Variants in CDK14 observed in about 807,000 individuals in gnomAD.
The protein encoded by CDK14 is cyclin dependent kinase 14.
CDK14 carries 34 observed loss-of-function variants against 60.7 expected under a neutral mutation model. The observed-to-expected ratio is 0.56, with a 90% CI of 0.43 to 0.75. The LOEUF (loss-of-function observed/expected upper bound fraction) is 0.75, where lower values mean the gene tolerates loss of function less well. CDK14 is among the 30% of genes least tolerant of loss of function. The pLI is 0.00. For synonymous variants in CDK14, 197 were observed against 203.7 expected (o/e 0.97, Z 0.28); for missense variants, 482 against 564.1 (o/e 0.85, Z 1.47).
chr7:90,878,348 C>T (rs1015757337), intron 6 of CDK14, among the ~76,000 whole-genome samples: 1 of 152,066 alleles, frequency 6.6e-6, no homozygotes, highest in Non-Finnish European at 1.5e-5. Context: ...CTGGTGACTG[C>T]AAAACATGAA....
At chr7:90,782,969 C>T (rs973801250) in intron 4 of CDK14, among the ~76,000 whole-genome samples, 3 of 152,090 alleles carry the variant, frequency 2.0e-5, no homozygotes, top group Non-Finnish European at 2.9e-5. Context: ...TGGATGATTA[C>T]TGAGGTTACT....
chr7:90,961,020 C>A (rs1251802585), intron 9 of CDK14, among the ~76,000 whole-genome samples: 1 of 152,036 alleles, frequency 6.6e-6, no homozygotes, highest in East Asian at 1.9e-4. Context: ...CCCAGAGATA[C>A]TAAATAATAT....
chr7:90,837,134 C>T (rs1456746412), intron 5 of CDK14, among the ~76,000 whole-genome samples: 1 of 152,118 alleles, frequency 6.6e-6, no homozygotes, highest in East Asian at 1.9e-4. Context: ...GCCATTTTCC[C>T]TCAGGCCTTT....
intron 3 of CDK14, among the ~76,000 whole-genome samples, chr7:90,743,303 T>A (rs998150699): frequency 6.6e-6 from 1 of 152,172 alleles, no homozygotes; most frequent in African/African-American, 2.4e-5. Context: ...TAAAATCTAC[T>A]CATTTAGCAG....
intron 14 of CDK14, among the ~76,000 whole-genome samples, chr7:91,204,691 G>A (rs1257788001): frequency 6.6e-6 from 1 of 152,260 alleles, no homozygotes; most frequent in African/African-American, 2.4e-5. Flanking sequence ...GCTCATGCCT[G>A]TAATCCCAGC....
chr7:91,051,087 A>G (rs1456786501), intron 11 of CDK14, among the ~76,000 whole-genome samples: 1 of 152,250 alleles, frequency 6.6e-6, no homozygotes, highest in Non-Finnish European at 1.5e-5. Flanking sequence ...CTGGGAAAAT[A>G]TGTACAGTAA....
chr7:90,598,336 G>A (rs952123884), intron 1 of CDK14, among the ~76,000 whole-genome samples: 40 of 152,176 alleles, frequency 2.6e-4, no homozygotes, highest in Non-Finnish European at 5.9e-5. Context: ...CTGGCAAATG[G>A]GGGTATTATA....
At chr7:90,638,868 C>T (rs1279461412) in intron 2 of CDK14, among the ~76,000 whole-genome samples, 3 of 151,392 alleles carry the variant, frequency 2.0e-5, no homozygotes, top group Non-Finnish European at 4.4e-5. Flanking sequence ...CTTCTCGCTT[C>T]ATTTCATTCA....
intron 10 of CDK14, among the ~76,000 whole-genome samples, chr7:90,991,292 G>C (rs1795525713): frequency 6.6e-6 from 1 of 152,166 alleles, no homozygotes; most frequent in East Asian, 1.9e-4. Context: ...GAATCAAGGA[G>C]CCATTCACCC....
chr7:90,685,075 G>A (rs1801405291), intron 2 of CDK14, among the ~76,000 whole-genome samples: 1 of 151,136 alleles, frequency 6.6e-6, no homozygotes, highest in African/African-American at 2.4e-5. Context: ...ATTCTAATAT[G>A]AGAAAAATAT....
At chr7:91,118,920 A>C (rs1383797820) in intron 14 of CDK14, among the ~76,000 whole-genome samples, 6 of 152,258 alleles carry the variant, frequency 3.9e-5, no homozygotes, top group African/African-American at 1.2e-4. Flanking sequence ...CCCAGTCATC[A>C]CATCACGTGT....
intron 5 of CDK14, among the ~76,000 whole-genome samples, chr7:90,825,286 G>T (rs2374365): frequency 0.92 from 140,006 of 152,252 alleles, 64,489 homozygotes; most frequent in East Asian, 1. Context: ...AGTGAGCATC[G>T]GACTTGGTTG....
At chr7:90,613,587 C>T (rs538936183) in intron 2 of CDK14, among the ~76,000 whole-genome samples, 4 of 151,442 alleles carry the variant, frequency 2.6e-5, no homozygotes, top group Non-Finnish European at 5.9e-5. Context: ...CTTGGGAGGC[C>T]GAGGCAAGAG....
intron 2 of CDK14, chr7:90,608,671 AGTTT>A (rs949608629): frequency 2.9e-5 from 10 of 345,980 alleles, no homozygotes; most frequent in African/African-American, 2.2e-4. Flanking sequence ...TTAAGCACTT[AGTTT>A]GTTTCCTAAA....
chr7:90,996,173 C>G (rs1386533062), intron 10 of CDK14, among the ~76,000 whole-genome samples: 1 of 152,182 alleles, frequency 6.6e-6, no homozygotes, highest in Admixed American at 6.5e-5. Context: ...ATTGCATACA[C>G]AAGCAAATGA....
At chr7:90,852,697 G>A (rs1242465794) in intron 5 of CDK14, among the ~76,000 whole-genome samples, 4 of 152,204 alleles carry the variant, frequency 2.6e-5, no homozygotes, top group Non-Finnish European at 4.4e-5. Context: ...AAGGAGGACA[G>A]GTACAAGTGA....
intron 5 of CDK14, among the ~76,000 whole-genome samples, chr7:90,812,109 A>G (rs1789145821): frequency 6.6e-6 from 1 of 152,202 alleles, no homozygotes; most frequent in African/African-American, 2.4e-5. Flanking sequence ...CAGCCATCCC[A>G]TTACTGGGTA....
chr7:90,641,479 G>A (rs1800330894), intron 2 of CDK14, among the ~76,000 whole-genome samples: 1 of 152,180 alleles, frequency 6.6e-6, no homozygotes, highest in African/African-American at 2.4e-5. Flanking sequence ...TGCAACATGA[G>A]TGAACTTTGA....
At chr7:90,794,457 T>G (rs1001188810) in intron 5 of CDK14, among the ~76,000 whole-genome samples, 2 of 152,080 alleles carry the variant, frequency 1.3e-5, no homozygotes, top group Non-Finnish European at 1.5e-5. Flanking sequence ...AAGACAGATA[T>G]TCCCTAGGCG....
Sources: gnomAD v4.1 joint callset for allele counts (sites outside exome capture counted in the v4.1 genomes callset) on GRCh38, gnomAD v4.1.1 for gene constraint, MANE v1.5 for transcripts, NCBI Gene and HGNC (gene_info 2026-07-23, HGNC 2026-07-21) for gene names.